Variants in ERP27 observed in about 807,000 individuals in gnomAD.
ERP27 encodes the protein endoplasmic reticulum protein 27.
In ERP27, 23 loss-of-function variants were observed where a neutral mutation model predicts 27.7. That is an observed-to-expected ratio of 0.83 (90% confidence interval 0.60 to 1.18). The LOEUF (loss-of-function observed/expected upper bound fraction) is 1.18. Among genes scored for constraint, ERP27 ranks in the 50% most tolerant of loss-of-function variants. ERP27 has a pLI of 0.00. For synonymous variants in ERP27, 159 were observed against 118.3 expected, an observed-to-expected ratio of 1.34 and a Z score of -2.23; for missense variants, 363 against 327.9, an observed-to-expected ratio of 1.11 and a Z score of -0.83.
chr12:14,917,974 TTTATTTC>T (rs1270760083), intron 4 of ERP27, among the ~76,000 whole-genome samples: 6 of 152,230 alleles, frequency 3.9e-5, no homozygotes, highest in African/African-American at 1.4e-4. Context: ...TATTAGTCAC[TTTATTTC>T]AGCCCCCTCT....
intron 5 of ERP27, 36 bp from the exon 6 acceptor site, chr12:14,915,722 C>A: frequency 1.3e-6 from 2 of 1,591,620 alleles, no homozygotes; most frequent in East Asian, 4.5e-5. Flanking sequence ...AAAGTTCTAT[C>A]TGAGGTGACG....
intron 3 of ERP27, among the ~76,000 whole-genome samples, chr12:14,932,939 G>T (rs1565453761): frequency 6.6e-6 from 1 of 152,208 alleles, no homozygotes; most frequent in Non-Finnish European, 1.5e-5. Context: ...TAAGAGTATA[G>T]TGCTTATGAG....
chr12:14,919,992 AG>A (rs1373642310), intron 4 of ERP27, among the ~76,000 whole-genome samples: 2 of 152,220 alleles, frequency 1.3e-5, no homozygotes, highest in African/African-American at 4.8e-5. Flanking sequence ...TGAGGATGAA[AG>A]GGCTCTGTAA....
intron 3 of ERP27, among the ~76,000 whole-genome samples, chr12:14,923,304 C>G (rs1334733368): frequency 6.6e-6 from 1 of 151,992 alleles, no homozygotes; most frequent in African/African-American, 2.4e-5. Context: ...AGGTCTCCAG[C>G]TCACAGGCAG....
chr12:14,935,241 A>T, intron 2 of ERP27: 1 of 780,548 alleles, frequency 1.3e-6, no homozygotes. Flanking sequence ...AGGCCTTGTC[A>T]TAGAGCTTGA....
At chr12:14,936,699 G>A (rs1364893140) in intron 2 of ERP27, among the ~76,000 whole-genome samples, 3 of 152,108 alleles carry the variant, frequency 2.0e-5, no homozygotes, top group Non-Finnish European at 4.4e-5. Context: ...TGAGTCACAA[G>A]ATCTGATGGT....
intron 3 of ERP27, among the ~76,000 whole-genome samples, chr12:14,928,334 A>G (rs1863640210): frequency 6.6e-6 from 1 of 152,160 alleles, no homozygotes; most frequent in African/African-American, 2.4e-5. Context: ...AGAATCTAAG[A>G]TTGCTCTTTA....
At chr12:14,916,017 T>TG (rs1290880505) in intron 5 of ERP27, among the ~76,000 whole-genome samples, 2 of 117,128 alleles carry the variant, frequency 1.7e-5, no homozygotes, top group African/African-American at 3.2e-5. Context: ...GTGGTCTACT[T>TG]GGGGGGTGGA....
rs1863382692 is a variant in ERP27, at chr12:14,914,778, T to C, written c.779A>G (p.Glu260Gly). 6.2e-7 allele frequency: 1 copy of C among 1,613,514 alleles called. No individual in the cohort carries two copies. The highest frequency in any genetic ancestry group is 8.5e-7 in the Non-Finnish European group (1 of 1,179,598). The change falls in exon 7 of 7, where the codon GAA becomes GGA. Residue 260 changes from glutamate to glycine, a missense_variant. Physicochemically the swap from Glu to Gly is moderately conservative, Grantham distance 98. Transcript: ENST00000266397. The stretch of plus-strand genomic sequence containing the variant: ...AGTCTTTCCTTCTGATTCACGATTT[T>C]CTTTCTGGAAAACATTATAACAATG... Reference protein sequence around the residue: ...DGFLSGKLLKENRESEGKTPK... With the variant: ...DGFLSGKLLKGNRESEGKTPK...
chr12:14,915,532 T>C lies in ERP27; in HGVS notation c.731A>G (p.His244Arg), dbSNP rs768408876. 1 of 1,614,224 alleles carries C rather than the reference T, an allele frequency of 6.2e-7. No individual in the cohort carries two copies. Among genetic ancestry groups the C allele is most frequent in the South Asian group, 1.1e-5 (1 of 91,082 alleles). Residue 244 changes from histidine to arginine, a missense_variant, in exon 6 of 7, where the codon CAT becomes CGT. Transcript: ENST00000266397. ...GAATCCATCACAAAAGTTTTGCACA[T>C]GCTCTACGGAAACTTCTGCTGTGGG... The part of the protein sequence containing the change: ...TLPTAEVSVE[H>R]VQNFCDGFLS...
chr12:14,930,130 A>G (rs1374900292), intron 3 of ERP27, among the ~76,000 whole-genome samples: 1 of 152,152 alleles, frequency 6.6e-6, no homozygotes, highest in Non-Finnish European at 1.5e-5. Flanking sequence ...CACGTACACG[A>G]TATAACAAAC....
At chr12:14,928,002 C>T (rs1264720874) in intron 3 of ERP27, among the ~76,000 whole-genome samples, 1 of 152,140 alleles carries the variant, frequency 6.6e-6, no homozygotes, top group Non-Finnish European at 1.5e-5. Flanking sequence ...AAAGATAGTG[C>T]CTCCACCATC....
chr12:14,922,427 C>T (rs1219206826), intron 3 of ERP27, among the ~76,000 whole-genome samples: 11 of 151,980 alleles, frequency 7.2e-5, no homozygotes, highest in South Asian at 2.1e-4. Flanking sequence ...GATAATTATC[C>T]TCTTTATGAA....
At chr12:14,915,408 G>A in intron 6 of ERP27, 81 bp downstream of exon 6, 1 of 1,482,898 alleles carries the variant, frequency 6.7e-7, no homozygotes, top group African/African-American at 1.4e-5. Flanking sequence ...CCCTCTCTGA[G>A]CCCAAAGAAT....
At chr12:14,918,417 T>C (rs963064036) in intron 4 of ERP27, among the ~76,000 whole-genome samples, 6 of 152,172 alleles carry the variant, frequency 3.9e-5, no homozygotes, top group Non-Finnish European at 8.8e-5. Context: ...GATTTTTCCA[T>C]GAAGTTGTCA....
At chr12:14,929,831 C>T (rs1333914268) in intron 3 of ERP27, among the ~76,000 whole-genome samples, 1 of 152,046 alleles carries the variant, frequency 6.6e-6, no homozygotes, top group Non-Finnish European at 1.5e-5. Flanking sequence ...TTAGTTTATG[C>T]CACAGTTATA....
rs200725728 is a variant in ERP27, at chr12:14,915,609, T to C, written c.654A>G (p.Gln218=). ...VISFFKLKES[Q]LPALAIYQTL... The stretch of plus-strand genomic sequence containing the variant: ...TCTGGTAAATTGCCAAAGCTGGCAG[T>C]TGAGACTCCTTTAGTTTGAAAAATG... The change falls in exon 6 of 7, where the codon CAA becomes CAG. Residue 218 remains glutamine (Q), a synonymous_variant. Coordinates refer to ENST00000266397, the MANE Select transcript of ERP27 (RefSeq NM_152321.4). The C allele has an allele frequency of 1.7e-5, 28 of 1,614,234 alleles. No homozygotes were observed. In the South Asian group the frequency reaches 1.8e-4, roughly 10 times the overall value.
intron 4 of ERP27, among the ~76,000 whole-genome samples, chr12:14,918,399 G>C (rs886315538): frequency 6.6e-6 from 1 of 152,234 alleles, no homozygotes; most frequent in African/African-American, 2.4e-5. Flanking sequence ...TTGCTGATTA[G>C]AGATGGTGAT....
At chr12:14,927,938 TTGTTCTC>T (rs1863631394) in intron 3 of ERP27, among the ~76,000 whole-genome samples, 1 of 152,182 alleles carries the variant, frequency 6.6e-6, no homozygotes, top group South Asian at 2.1e-4. Context: ...CTTCCAATCA[TTGTTCTC>T]AGTTTTCTAT....
Sources: allele counts gnomAD v4.1 joint callset (sites outside exome capture counted in the v4.1 genomes callset), GRCh38; gene constraint gnomAD v4.1.1; transcripts MANE v1.5; gene names NCBI Gene and HGNC (gene_info 2026-07-23, HGNC 2026-07-21).